ABHD2: variants seen among roughly 807,000 people sequenced by gnomAD.
ABHD2 encodes the protein monoacylglycerol lipase ABHD2.
In ABHD2, 20 loss-of-function variants were observed where a neutral mutation model predicts 48.1. That is an observed-to-expected ratio of 0.42 (90% CI 0.29 to 0.60). The LOEUF (loss-of-function observed/expected upper bound fraction) is 0.60, where lower values mean the gene tolerates loss of function less well. ABHD2 is among the 20% of genes least tolerant of loss of function. The pLI is 0.24. For synonymous variants in ABHD2, 209 were observed against 214.2 expected (o/e 0.98, Z 0.21); for missense variants, 405 against 550.9 (o/e 0.74, Z 2.65).
intron 4 of ABHD2, among the ~76,000 whole-genome samples, chr15:89,152,551 C>T (rs181670293): frequency 3.9e-5 from 6 of 152,238 alleles, no homozygotes; most frequent in African/African-American, 4.8e-5. Flanking sequence ...CCTCAAATAG[C>T]GCTGTGAGGC....
At chr15:89,132,617 A>G (rs1055944463) in intron 3 of ABHD2, among the ~76,000 whole-genome samples, 1 of 152,220 alleles carries the variant, frequency 6.6e-6, no homozygotes, top group African/African-American at 2.4e-5. Flanking sequence ...GCTATTTCAA[A>G]TTGATATGAA....
At chr15:89,141,385 C>T (rs1036500814) in intron 3 of ABHD2, among the ~76,000 whole-genome samples, 1 of 152,172 alleles carries the variant, frequency 6.6e-6, no homozygotes. Flanking sequence ...TTAATCCCAG[C>T]ACTTTGGAAG....
rs370247405 is a variant in ABHD2, at chr15:89,175,797, C to T, written c.539-15C>T. ...CACCTGAAATGATTGAGCAATCTCA[C>T]CCTTTTGCCCACAGGCTGCACGTGG... On this transcript the variant is annotated splice_polypyrimidine_tract_variant and intron_variant, in intron 5 of 10. Coordinates refer to ENST00000352732, the MANE Select transcript of ABHD2 (RefSeq NM_152924.5). This position sits in a 1 kb window ranked among gnomAD's most constrained non-coding sequence, Gnocchi z 5.7. 56 of 1,613,776 alleles carry T rather than the reference C, an allele frequency of 3.5e-5. No individual in the cohort carries two copies. Among genetic ancestry groups the T allele is most frequent in the Non-Finnish European group, 4.2e-5 (49 of 1,179,900 alleles).
In ABHD2 at chr15:89,097,378, TA is replaced by T. The variant is rs1302540013; in HGVS notation, c.-107+8817del. Among the ~76,000 whole-genome samples, 2 of 152,250 alleles carry T rather than the reference TA, an allele frequency of 1.3e-5. No homozygotes were observed. The highest frequency in any genetic ancestry group is 2.9e-5 in the Non-Finnish European group (2 of 68,052). ...CACCCATTATTACTCTTTGAAAAAT[TA>T]ACACTAATCCTTTAATATCATCAAA... is the stretch of plus-strand genomic sequence containing the variant. On this transcript the variant is annotated intron_variant, in intron 1 of 10. Transcript: ENST00000352732. The surrounding 1 kb of genome is among the most constrained non-coding windows in gnomAD (Gnocchi z 4.2).
upstream of ABHD2, chr15:89,088,083 A>T (rs1198468570): frequency 6.6e-6 from 1 of 152,180 alleles, no homozygotes; most frequent in East Asian, 1.9e-4. This position sits in a 1 kb window ranked among gnomAD's most constrained non-coding sequence, Gnocchi z 6.8. Context: ...CCTCTAAAGC[A>T]GTTTGCGGTC....
chr15:89,139,554 T>C (rs1170859670), intron 3 of ABHD2, among the ~76,000 whole-genome samples: 1 of 152,182 alleles, frequency 6.6e-6, no homozygotes, highest in Non-Finnish European at 1.5e-5. Flanking sequence ...TAAATCAATA[T>C]ATAAGAGCCA....
intron 3 of ABHD2, among the ~76,000 whole-genome samples, chr15:89,126,135 G>A (rs552837693): frequency 6.6e-6 from 1 of 152,296 alleles, no homozygotes; most frequent in South Asian, 2.1e-4. Flanking sequence ...CAAAAAAGGA[G>A]TATATGTCTT....
In ABHD2 at chr15:89,146,051, T is replaced by C. The variant is rs1442131015; in HGVS notation, c.195-5626T>C. ...TTCACTGGAAAGGACTTGCTGCAAC[T>C]TGCTGAGATGTGAGGACTCAATCTC... On this transcript the variant is annotated intron_variant, in intron 3 of 10. Transcript: ENST00000352732. This position sits in a 1 kb window ranked among gnomAD's most constrained non-coding sequence, Gnocchi z 4.2. 6.6e-6 allele frequency among the ~76,000 whole-genome samples: 1 copy of C among 152,184 alleles called. No individual in the cohort carries two copies. The highest frequency in any genetic ancestry group is 1.5e-5 in the Non-Finnish European group (1 of 68,024).
intron 5 of ABHD2, among the ~76,000 whole-genome samples, chr15:89,157,952 A>C (rs1010118339): frequency 3.3e-5 from 5 of 152,130 alleles, no homozygotes; most frequent in Admixed American, 2.6e-4. Context: ...AAAAGTCAGA[A>C]ATAGGCCAAA....
At position 89,173,824 on chromosome 15, in the gene ABHD2, T is replaced by C. The variant is rs2050967496; in HGVS notation, c.539-1988T>C. Among the ~76,000 whole-genome samples, 1 of 152,170 alleles carries C rather than the reference T, an allele frequency of 6.6e-6. No homozygotes were observed. Among genetic ancestry groups the C allele is most frequent in the African/African-American group, 2.4e-5 (1 of 41,432 alleles). ...GGGAGAAAAATAAGCAGCTTGATCC[T>C]CTACTATCTCACTGGAGAGGGAGAC... On this transcript the variant is annotated intron_variant, in intron 5 of 10. Coordinates refer to ENST00000352732, the MANE Select transcript of ABHD2 (RefSeq NM_152924.5). This position sits in a 1 kb window ranked among gnomAD's most constrained non-coding sequence, Gnocchi z 6.5.
rs1056854771 is a variant in ABHD2 at position 89,102,452 on chromosome 15, C to G, written c.-106-11273C>G. The G allele has an allele frequency of 1.3e-5, 2 of 152,182 alleles. No homozygotes were observed. The highest frequency in any genetic ancestry group is 4.8e-5 in the African/African-American group (2 of 41,406). The allele number at this position is 152,182 out of a possible 1,614,324, so 9.4% of individuals were successfully genotyped here. ...GGAGTGAGGTGGAATGTCAGGAGGG[C>G]GTAGTTTGCAAAACATCCCTCCCAG... On this transcript the variant is annotated intron_variant, in intron 1 of 10. Coordinates refer to ENST00000352732, the MANE Select transcript of ABHD2 (RefSeq NM_152924.5). This position sits in a 1 kb window ranked among gnomAD's most constrained non-coding sequence, Gnocchi z 4.8.
At chr15:89,150,117 A>G (rs1044524143) in intron 3 of ABHD2, among the ~76,000 whole-genome samples, 5 of 152,238 alleles carry the variant, frequency 3.3e-5, no homozygotes, top group African/African-American at 1.2e-4. Flanking sequence ...ATTATATTGT[A>G]TTCTAAACAT....
chr15:89,059,936 G>T, the ABHD2 span, among the ~76,000 whole-genome samples: 4 of 152,182 alleles, frequency 2.6e-5, no homozygotes, highest in South Asian at 2.1e-4. Context: ...GCCCCTCTTG[G>T]TCTCCCAGTG....
Position 89,188,053 on chromosome 15 carries a change from A to ACATT in ABHD2, c.816-138_816-135dup. On this transcript the variant is annotated intron_variant, in intron 7 of 10. Coordinates refer to ENST00000352732, the MANE Select transcript of ABHD2 (RefSeq NM_152924.5). This position sits in a 1 kb window ranked among gnomAD's most constrained non-coding sequence, Gnocchi z 4.1. ...TAACAGCGCCAGCTCATCCTCTGGG[A>ACATT]CATTCCAAAGGCTAAAGGTTCTATT... 1.6e-6 allele frequency: 1 copy of ACATT among 644,240 alleles called. No homozygotes were observed. Among genetic ancestry groups the ACATT allele is most frequent in the Non-Finnish European group, 2.8e-6 (1 of 363,520 alleles). The allele number at this position is 644,240 out of a possible 1,614,324, so 39.9% of individuals were successfully genotyped here.
chr15:89,124,887 G>T (rs1338043642), intron 3 of ABHD2, among the ~76,000 whole-genome samples: 1 of 152,048 alleles, frequency 6.6e-6, no homozygotes, highest in Admixed American at 6.6e-5. Context: ...TCAGGAGTTC[G>T]AGACCAGCCT....
the ABHD2 span, among the ~76,000 whole-genome samples, chr15:89,069,126 T>TC: frequency 7.6e-3 from 773 of 101,758 alleles, 3 homozygotes; most frequent in Non-Finnish European, 0.01. Flanking sequence ...TCTTTTCTTT[T>TC]TTTTTTTTTT....
At position 89,151,115 on chromosome 15, in the gene ABHD2, C is replaced by A. The variant is rs1358955307; in HGVS notation, c.195-562C>A. On this transcript the variant is annotated intron_variant, in intron 3 of 10. Coordinates refer to ENST00000352732, the MANE Select transcript of ABHD2 (RefSeq NM_152924.5). This position sits in a 1 kb window ranked among gnomAD's most constrained non-coding sequence, Gnocchi z 4.7. ...CACTGCACTGCCCTTACAGCATATT[C>A]TCTGGAGCATAGAGTAGTGCCCTCA... Among the ~76,000 whole-genome samples the A allele has an allele frequency of 3.9e-5, 6 of 152,220 alleles. No individual in the cohort carries two copies. Among genetic ancestry groups the A allele is most frequent in the Admixed American group, 3.9e-4 (6 of 15,282 alleles).
At chr15:89,134,719 C>T (rs1405596314) in intron 3 of ABHD2, among the ~76,000 whole-genome samples, 2 of 152,014 alleles carry the variant, frequency 1.3e-5, no homozygotes, top group African/African-American at 4.8e-5. Context: ...GGAAAATTGA[C>T]ATGTTTGTGA....
intron 5 of ABHD2, among the ~76,000 whole-genome samples, chr15:89,163,996 A>C (rs527389346): frequency 2.0e-5 from 3 of 152,346 alleles, no homozygotes; most frequent in South Asian, 4.1e-4. Flanking sequence ...CTAAGGAGTG[A>C]GGAAATAGTT....
Sources: gnomAD v4.1 joint callset for allele counts (sites outside exome capture counted in the v4.1 genomes callset) on GRCh38, gnomAD v4.1.1 for gene constraint, Gnocchi (gnomAD v3.1) non-coding constraint, MANE v1.5 for transcripts, NCBI Gene and HGNC (gene_info 2026-07-23, HGNC 2026-07-21) for gene names.